The following SNCG variants were observed in gnomAD, a reference collection of about 807,000 sequenced individuals.
SNCG encodes the protein synuclein gamma, also known as gamma-synuclein.
Under a neutral mutation model 16.0 loss-of-function variants are expected in SNCG, and 13 were observed. The ratio of observed to expected loss-of-function variants is 0.81; its 90% CI spans 0.53 to 1.29. SNCG has a LOEUF of 1.29. Ranked by LOEUF, SNCG falls within the 50% of genes most tolerant of loss-of-function variation. SNCG has a pLI of 0.00. For missense variants in SNCG, 154 were observed against 168.5 expected (o/e 0.91, Z 0.48); for synonymous variants, 66 against 66.3 (o/e 1.00, Z 0.02).
At chr10:86,957,864 AGCGTGGACTTCGAGGTGGGG>A, upstream of SNCG, 1 of 1,126,620 alleles carries the variant, frequency 8.9e-7, no homozygotes, top group Non-Finnish European at 1.1e-6. Context: ...CCATGAAAAG[AGCGTGGACTTCGAGGTGGGG>A]CCACAGGAAG....
upstream of SNCG, chr10:86,957,306 G>A (rs180966517): frequency 9.5e-3 from 14,304 of 1,507,794 alleles, 134 homozygotes; most frequent in South Asian, 0.038. Context: ...GAGGTCTAGA[G>A]AGGCTCTGCT....
upstream of SNCG, chr10:86,958,207 C>T: frequency 2.1e-6 from 2 of 965,532 alleles, no homozygotes; most frequent in Non-Finnish European, 2.5e-6. Flanking sequence ...GCCTATGTGG[C>T]CCTGACCCCT....
rs1425548148 is a variant in SNCG, at chr10:86,959,779, G to T, written c.163+105G>T. The T allele has an allele frequency of 7.6e-7, 1 of 1,314,176 alleles. No homozygotes were observed. Among genetic ancestry groups the T allele is most frequent in the East Asian group, 2.5e-5 (1 of 40,756 alleles). The allele number at this position is 1,314,176 out of a possible 1,614,324, so 81.4% of individuals were successfully genotyped here. On this transcript the variant is annotated intron_variant, in intron 2 of 4. Coordinates refer to ENST00000372017, the MANE Select transcript of SNCG (RefSeq NM_003087.3). This position sits in a 1 kb window ranked among gnomAD's most constrained non-coding sequence, Gnocchi z 4.3. Reference sequence around the variant, plus strand: ...TAGAGTCCTGCCTTACCCCCAACTGGGGTCCCAAGCCCTACAGACCCCTGC... The same window carrying T: ...TAGAGTCCTGCCTTACCCCCAACTGTGGTCCCAAGCCCTACAGACCCCTGC...
intron 3 of SNCG, among the ~76,000 whole-genome samples, chr10:86,961,726 G>A (rs181796077): frequency 5.7e-4 from 87 of 152,252 alleles, no homozygotes; most frequent in African/African-American, 1.9e-3. Flanking sequence ...CCTTAGGGCA[G>A]CAGGACTCAG....
At chr10:86,958,848 G>A in intron 1 of SNCG, 30 bp downstream of exon 1, 1 of 1,578,414 alleles carries the variant, frequency 6.3e-7, no homozygotes, top group African/African-American at 1.3e-5. Flanking sequence ...GTGGGACAGT[G>A]TGGTGGCCAA....
intron 3 of SNCG, among the ~76,000 whole-genome samples, chr10:86,961,807 C>T (rs1389518523): frequency 6.6e-6 from 1 of 152,216 alleles, no homozygotes; most frequent in Non-Finnish European, 1.5e-5. Flanking sequence ...CCTTTTATGC[C>T]CCACTCCGCC....
rs745461029 is a variant in SNCG at position 86,959,355 on chromosome 10, G to A, written c.122-278G>A. The A allele has an allele frequency of 1.4e-4, 78 of 560,016 alleles. No homozygotes were observed. The highest frequency in any genetic ancestry group is 1.9e-4 in the Non-Finnish European group (59 of 316,710). 34.7% of individuals were successfully genotyped at this position (560,016 alleles called of 1,614,324 possible). On this transcript the variant is annotated intron_variant, in intron 1 of 4. Coordinates refer to ENST00000372017, the MANE Select transcript of SNCG (RefSeq NM_003087.3). This position sits in a 1 kb window ranked among gnomAD's most constrained non-coding sequence, Gnocchi z 4.3. ...TGTCCTGTTGCTGCTTCTGAGGCCC[G>A]GCCACACCCGGGCAGGGGCTGGACC...
upstream of SNCG, chr10:86,958,500 C>CAACCAAACA: frequency 1.8e-6 from 2 of 1,098,576 alleles, no homozygotes; most frequent in Non-Finnish European, 2.3e-6. Context: ...ACCTCCTTCC[C>CAACCAAACA]TCCCTCCCTC....
intron 4 of SNCG, 93 bp from the exon 5 acceptor site, chr10:86,962,872 T>C: frequency 7.0e-7 from 1 of 1,424,966 alleles, no homozygotes; most frequent in Admixed American, 2.0e-5. Context: ...CCCTCAGGCA[T>C]GGGGCACAGA....
At chr10:86,957,173 CGACAGGGA>C (rs969446847), upstream of SNCG, among the ~76,000 whole-genome samples, 1 of 152,234 alleles carries the variant, frequency 6.6e-6, no homozygotes, top group Non-Finnish European at 1.5e-5. Flanking sequence ...GCCATGGCTC[CGACAGGGA>C]ACTCCCTGCA....
At position 86,959,456 on chromosome 10, in the gene SNCG, C is replaced by T. The variant is rs1564737474; in HGVS notation, c.122-177C>T. ...CATTCTGTCCTGTCCCCTTCCCATC[C>T]ATCCACTTCTTCCAGACACAGCAGG... On this transcript the variant is annotated intron_variant, in intron 1 of 4. Coordinates refer to ENST00000372017, the MANE Select transcript of SNCG (RefSeq NM_003087.3). This position sits in a 1 kb window ranked among gnomAD's most constrained non-coding sequence, Gnocchi z 4.3. The T allele has an allele frequency of 1.6e-6, 1 of 640,368 alleles. No individual in the cohort carries two copies. The highest frequency in any genetic ancestry group is 2.7e-5 in the East Asian group (1 of 36,702). The allele number at this position is 640,368 out of a possible 1,614,324, so 39.7% of individuals were successfully genotyped here.
chr10:86,958,497 T>TC, upstream of SNCG: 3 of 1,098,124 alleles, frequency 2.7e-6, no homozygotes, highest in Non-Finnish European at 3.5e-6. Context: ...TGAACCTCCT[T>TC]CCCTCCCTCC....
At position 86,962,597 on chromosome 10, in the gene SNCG, C is replaced by A; in HGVS notation, c.292-7C>A. ...CATGGTCTCATGCCCCCTTTTGTCC[C>A]CTACAGGAGGACTTGAGGCCATCTG... is the stretch of plus-strand genomic sequence containing the variant. On this transcript the variant is annotated splice_polypyrimidine_tract_variant and splice_region_variant and intron_variant, in intron 3 of 4. Coordinates refer to ENST00000372017, the MANE Select transcript of SNCG (RefSeq NM_003087.3). 6.2e-7 allele frequency: 1 copy of A among 1,608,218 alleles called. No homozygotes were observed. The highest frequency in any genetic ancestry group is 1.1e-5 in the South Asian group (1 of 89,980).
At chr10:86,958,248 G>A (rs1054199282), upstream of SNCG, 31 of 968,816 alleles carry the variant, frequency 3.2e-5, no homozygotes, top group African/African-American at 1.4e-4. Flanking sequence ...TGGCCAAGGC[G>A]CCTCCCCTCT....
rs1222925499 is a variant in SNCG at position 86,959,632 on chromosome 10, G to A, written c.122-1G>A. ...GGCTGACAGCTCCATTTCCTCCCCAGGAGCCAAGACCAAGGAGAATGTTGT... is the reference window on the plus strand; with the variant it reads ...GGCTGACAGCTCCATTTCCTCCCCAAGAGCCAAGACCAAGGAGAATGTTGT... On this transcript the variant is annotated splice_acceptor_variant, in intron 1 of 4. Coordinates refer to ENST00000372017, the MANE Select transcript of SNCG (RefSeq NM_003087.3). LOFTEE classifies it high-confidence loss of function. The surrounding 1 kb of genome is among the most constrained non-coding windows in gnomAD (Gnocchi z 4.3). 6.2e-7 allele frequency: 1 copy of A among 1,613,684 alleles called. No individual in the cohort carries two copies. Among genetic ancestry groups the A allele is most frequent in the Admixed American group, 1.7e-5 (1 of 59,982 alleles).
Position 86,959,978 on chromosome 10 carries a change from G to A in SNCG, c.164-23G>A. 2 of 1,574,856 alleles carry A rather than the reference G, an allele frequency of 1.3e-6. No individual in the cohort carries two copies. The highest frequency in any genetic ancestry group is 1.7e-6 in the Non-Finnish European group (2 of 1,161,170). ...GCCTTGGGGCTGGGGCTGGGGTGGA[G>A]GCCAGCCAGTGTCCTCCCATAGTGG... On this transcript the variant is annotated intron_variant, in intron 2 of 4. Transcript: ENST00000372017. This position sits in a 1 kb window ranked among gnomAD's most constrained non-coding sequence, Gnocchi z 4.3.
upstream of SNCG, chr10:86,958,407 CG>C: frequency 1.0e-6 from 1 of 985,336 alleles, no homozygotes. Flanking sequence ...ATGGAGGGCA[CG>C]GGGCAGGAGA....
upstream of SNCG, chr10:86,957,356 G>T (rs4520507): frequency 9.3e-4 from 1,496 of 1,611,768 alleles, 10 homozygotes; most frequent in African/African-American, 0.017. Context: ...CATGACCTCT[G>T]CCAAGGTCCA....
chr10:86,957,285 G>T, upstream of SNCG: 1 of 1,329,546 alleles, frequency 7.5e-7, no homozygotes, highest in Non-Finnish European at 1.1e-6. Context: ...TTTCACAGAT[G>T]GGACCCCAGT....
Sources: allele counts gnomAD v4.1 joint callset (sites outside exome capture counted in the v4.1 genomes callset), GRCh38; gene constraint gnomAD v4.1.1; non-coding constraint Gnocchi (gnomAD v3.1); transcripts MANE v1.5; gene names NCBI Gene and HGNC (gene_info 2026-07-23, HGNC 2026-07-21).